ARHGEF16: variants seen among roughly 807,000 people sequenced by gnomAD.
ARHGEF16 encodes Rho guanine nucleotide exchange factor 16, also known as Rho guanine exchange factor (GEF) 16.
Under a neutral mutation model 74.1 loss-of-function variants are expected in ARHGEF16, and 59 were observed. The ratio of observed to expected loss-of-function variants is 0.80; its 90% CI spans 0.65 to 0.99. The LOEUF is 0.99. Ranked by LOEUF, ARHGEF16 falls within the 50% of genes least tolerant of loss-of-function variation. The pLI, the probability that ARHGEF16 is intolerant of heterozygous loss-of-function variation, is 0.00. For missense variants in ARHGEF16, 948 were observed against 986.6 expected, an observed-to-expected ratio of 0.96 and a Z score of 0.52; for synonymous variants, 415 against 412.6, an observed-to-expected ratio of 1.01 and a Z score of -0.07.
chr1:3,474,430 C>T (rs533745677), intron 8 of ARHGEF16: 30 of 431,624 alleles, frequency 7.0e-5, no homozygotes, highest in Admixed American at 4.6e-4. Context: ...CCTCCACTGA[C>T]GATTCCCCAA....
intron 8 of ARHGEF16, chr1:3,474,436 C>A: frequency 2.3e-6 from 1 of 442,882 alleles, no homozygotes; most frequent in Non-Finnish European, 4.1e-6. Flanking sequence ...CTGACGATTC[C>A]CCAAGTTGGA....
chr1:3,473,337 AT>A, intron 7 of ARHGEF16, 55 bp from the exon 8 acceptor site: 2 of 1,579,296 alleles, frequency 1.3e-6, no homozygotes, highest in Non-Finnish European at 1.7e-6. Context: ...GTCCTGCCTG[AT>A]TTTGGTACAG....
chr1:3,472,338 G>A (rs559454529), intron 6 of ARHGEF16, among the ~76,000 whole-genome samples: 2 of 152,366 alleles, frequency 1.3e-5, no homozygotes, highest in South Asian at 2.1e-4. Context: ...CTGACCAAGT[G>A]TTAACTCCCT....
chr1:3,469,487 C>T lies in ARHGEF16; in HGVS notation c.916C>T (p.Leu306=). Residue 306 remains leucine (L), a synonymous_variant, in exon 6 of 15, where the codon CTG becomes TTG. Coordinates refer to ENST00000378378, the MANE Select transcript of ARHGEF16 (RefSeq NM_014448.4). ...CTCCTACCAGCACAGCCTGAGCATC[C>T]TGGTGGAGGAGTTCCTGCAGTCCAA... ...EFSYQHSLSI[L]VEEFLQSKEL... 1 of 1,613,110 alleles carries T rather than the reference C, an allele frequency of 6.2e-7. No individual in the cohort carries two copies. Among genetic ancestry groups the T allele is most frequent in the East Asian group, 2.2e-5 (1 of 44,902 alleles).
chr1:3,465,608 C>G (rs898064616), intron 2 of ARHGEF16, among the ~76,000 whole-genome samples: 1 of 152,228 alleles, frequency 6.6e-6, no homozygotes, highest in Admixed American at 6.5e-5. Flanking sequence ...AACCAGCATA[C>G]CTGTGGCGTC....
At chr1:3,464,588 GGGGCGTCCTTCTTGTT>G (rs1378465012) in intron 2 of ARHGEF16, among the ~76,000 whole-genome samples, 1 of 152,198 alleles carries the variant, frequency 6.6e-6, no homozygotes, top group East Asian at 1.9e-4. Flanking sequence ...GCTGGCCCCA[GGGGCGTCCTTCTTGTT>G]GGGCGCCTTG....
At chr1:3,466,929 G>A in intron 3 of ARHGEF16, 2 of 469,474 alleles carry the variant, frequency 4.3e-6, no homozygotes, top group Non-Finnish European at 7.6e-6. Context: ...GGCTGGTTGG[G>A]GGCTGCTGTG....
chr1:3,468,392 C>T (rs914645280), intron 4 of ARHGEF16, among the ~76,000 whole-genome samples: 6 of 152,220 alleles, frequency 3.9e-5, no homozygotes, highest in African/African-American at 1.4e-4. Context: ...GCCACACTCC[C>T]GCCAAGGCGA....
chr1:3,469,617 A>G, intron 6 of ARHGEF16, 24 bp downstream of exon 6: 1 of 1,611,676 alleles, frequency 6.2e-7, no homozygotes, highest in African/African-American at 1.3e-5. Flanking sequence ...ACAGCCTTCC[A>G]CACAGGGTCC....
At chr1:3,464,877 TGCCA>T (rs1307138371) in intron 2 of ARHGEF16, among the ~76,000 whole-genome samples, 1 of 152,168 alleles carries the variant, frequency 6.6e-6, no homozygotes, top group Non-Finnish European at 1.5e-5. Context: ...GGAGTGGCAG[TGCCA>T]GCCTCAGGAG....
chr1:3,474,407 G>A (rs1569871242), intron 8 of ARHGEF16: 2 of 385,050 alleles, frequency 5.2e-6, no homozygotes, highest in East Asian at 4.8e-5. Context: ...GCAGAAATGG[G>A]GCTGCCAGGG....
In ARHGEF16 at chr1:3,463,568, G is replaced by A. The variant is rs1444441159; in HGVS notation, c.484G>A (p.Gly162Arg). The A allele has an allele frequency of 4.1e-6, 6 of 1,451,976 alleles. No homozygotes were observed. The highest frequency in any genetic ancestry group is 5.5e-6 in the Non-Finnish European group (6 of 1,098,886). The allele number at this position is 1,451,976 out of a possible 1,614,324, so 89.9% of individuals were successfully genotyped here. A position where few individuals can be genotyped will look rare whatever the true frequency, so the allele number is the denominator to read the frequency against. The change falls in exon 2 of 15, where the codon GGG becomes AGG. Residue 162 changes from glycine to arginine, a missense_variant. Gly to Arg is a moderately radical substitution (Grantham distance 125). Transcript: ENST00000378378. The part of the protein sequence containing the change: ...QSYRAAMKGL[G>R]KPGGQGDAIQ... ...CTACCGGGCGGCCATGAAGGGCCTG[G>A]GGAAGCCAGGTGGCCAGGGAGATGC...
At chr1:3,473,270 G>A in intron 7 of ARHGEF16, 40 bp downstream of exon 7, 1 of 1,604,914 alleles carries the variant, frequency 6.2e-7, no homozygotes, top group Non-Finnish European at 8.5e-7. Flanking sequence ...TGGCTCAGGA[G>A]CATCCTGCAC....
intron 3 of ARHGEF16, among the ~76,000 whole-genome samples, chr1:3,466,733 CG>C (rs1343574983): frequency 1.3e-5 from 2 of 152,150 alleles, no homozygotes; most frequent in African/African-American, 4.8e-5. Context: ...CAATGAAGCC[CG>C]GGGAGGGCTA....
At chr1:3,480,275 G>C (rs1170316845) in intron 14 of ARHGEF16, among the ~76,000 whole-genome samples, 173 bp from the exon 15 acceptor site, 2 of 152,220 alleles carry the variant, frequency 1.3e-5, no homozygotes, top group African/African-American at 4.8e-5. Context: ...CTGAGCAGGG[G>C]CTGGGTGCCC....
chr1:3,472,889 CCTGCTGTCCAGCAT>C, intron 6 of ARHGEF16, 175 bp from the exon 7 acceptor site: 1 of 272,050 alleles, frequency 3.7e-6, no homozygotes, highest in Non-Finnish European at 7.2e-6. Flanking sequence ...ACCCGCCCTC[CCTGCTGTCCAGCAT>C]CCCAGGTCCG....
At position 3,476,059 on chromosome 1, in the gene ARHGEF16, C is replaced by T. The variant is rs1639862329; in HGVS notation, c.1470C>T (p.Val490=). 4.5e-6 allele frequency: 7 copies of T among 1,551,300 alleles called. No individual in the cohort carries two copies. The South Asian group carries it at 8.3e-5, about 18-fold the overall frequency. The change falls in exon 10 of 15, where the codon GTC becomes GTT. Residue 490 remains valine (V), a synonymous_variant. Coordinates refer to ENST00000378378, the MANE Select transcript of ARHGEF16 (RefSeq NM_014448.4). ...ACACACAGCTGGACTTCAGCAAGGT[C>T]AAGGTAGGTGGCCCCGGACATCAGG... ...TLHTQLDFSK[V]KSLPLISASR... is the part of the protein sequence containing the mutation.
At chr1:3,474,857 C>T (rs1452856229) in intron 9 of ARHGEF16, 75 bp downstream of exon 9, 4 of 1,376,788 alleles carry the variant, frequency 2.9e-6, no homozygotes, top group Non-Finnish European at 2.0e-6. Flanking sequence ...CCACCCTACC[C>T]GATGGCATAG....
At chr1:3,473,039 CA>C (rs1421536066) in intron 6 of ARHGEF16, 38 bp from the exon 7 acceptor site, 2 of 1,599,596 alleles carry the variant, frequency 1.3e-6, no homozygotes. Context: ...GCCCGACCAC[CA>C]GGCCCGTGGC....
Sources: gnomAD v4.1 joint callset for allele counts (sites outside exome capture counted in the v4.1 genomes callset) on GRCh38, gnomAD v4.1.1 for gene constraint, MANE v1.5 for transcripts, NCBI Gene and HGNC (gene_info 2026-07-23, HGNC 2026-07-21) for gene names.